Variants in WDR59 observed in about 807,000 individuals in gnomAD.
WDR59 encodes WD repeat domain 59, also known as GATOR2 complex protein WDR59.
WDR59 carries 100 observed loss-of-function variants against 131.2 expected under a neutral mutation model. The ratio of observed to expected loss-of-function variants is 0.76; its 90% CI spans 0.65 to 0.90. The LOEUF is 0.90. Among genes scored for constraint, WDR59 ranks in the 40% least tolerant of loss-of-function variants. WDR59 has a pLI of 0.00. For synonymous variants in WDR59, 601 were observed against 466.2 expected, an observed-to-expected ratio of 1.29 and a Z score of -3.72; for missense variants, 1,203 against 1,262.2, an observed-to-expected ratio of 0.95 and a Z score of 0.71.
intron 1 of WDR59, among the ~76,000 whole-genome samples, chr16:74,983,162 A>G (rs111907358): frequency 2.2e-4 from 33 of 151,978 alleles, no homozygotes; most frequent in African/African-American, 7.2e-4. Flanking sequence ...GGGCAACACA[A>G]AGAGACTCTG....
chr16:74,897,883 T>C (rs753338030), intron 18 of WDR59, among the ~76,000 whole-genome samples: 8 of 152,254 alleles, frequency 5.3e-5, no homozygotes, highest in Non-Finnish European at 1.0e-4. Context: ...GGTCACTTGG[T>C]AATCCTGCCT....
intron 25 of WDR59, among the ~76,000 whole-genome samples, chr16:74,883,838 G>A (rs1376109266): frequency 6.6e-6 from 1 of 152,140 alleles, no homozygotes; most frequent in African/African-American, 2.4e-5. Context: ...TCCACATGCT[G>A]GGGATCCCCA....
chr16:74,930,825 G>C (rs559439193), intron 8 of WDR59: 1 of 147,060 alleles, frequency 6.8e-6, no homozygotes, highest in South Asian at 2.2e-4. Context: ...TCCAGGAGGA[G>C]GAGGTTGCAG....
chr16:74,981,552 T>C (rs1394990160), intron 1 of WDR59, among the ~76,000 whole-genome samples: 1 of 146,908 alleles, frequency 6.8e-6, no homozygotes, highest in African/African-American at 2.5e-5. Flanking sequence ...AGCAAGACCC[T>C]GTCTTACACA....
At chr16:74,941,542 A>C (rs1446805379) in intron 7 of WDR59, among the ~76,000 whole-genome samples, 1 of 150,262 alleles carries the variant, frequency 6.7e-6, no homozygotes, top group Non-Finnish European at 1.5e-5. Flanking sequence ...AAAAATACAA[A>C]AATTAGCTGG....
At chr16:74,884,579 C>T (rs1964665415) in intron 25 of WDR59, among the ~76,000 whole-genome samples, 1 of 152,198 alleles carries the variant, frequency 6.6e-6, no homozygotes, top group South Asian at 2.1e-4. Context: ...AACCCCTGGC[C>T]TCAAGTGATC....
At chr16:74,874,512 G>T (rs183371577) in intron 25 of WDR59, 68 bp from the exon 26 acceptor site, 2 of 1,405,522 alleles carry the variant, frequency 1.4e-6, no homozygotes, top group East Asian at 2.4e-5. Context: ...GGAAACTGGG[G>T]CTTGCCAGGA....
intron 7 of WDR59, among the ~76,000 whole-genome samples, chr16:74,940,881 T>A (rs569977706): frequency 6.6e-6 from 1 of 152,042 alleles, no homozygotes; most frequent in East Asian, 2.0e-4. Flanking sequence ...AAATTTTGTA[T>A]TTTTAGTACA....
At chr16:74,896,055 C>T (rs114629882) in intron 18 of WDR59, among the ~76,000 whole-genome samples, 1,998 of 151,936 alleles carry the variant, frequency 0.013, 43 homozygotes, top group African/African-American at 0.043. Flanking sequence ...CCCCACATAA[C>T]TGGTCATCTC....
chr16:74,945,471 T>A (rs1393095226), intron 6 of WDR59, among the ~76,000 whole-genome samples: 1 of 151,654 alleles, frequency 6.6e-6, no homozygotes, highest in Non-Finnish European at 1.5e-5. Context: ...AGCGAGACTC[T>A]GTCTCAAAAA....
intron 8 of WDR59, among the ~76,000 whole-genome samples, chr16:74,925,623 G>A (rs1166665682): frequency 1.3e-5 from 2 of 151,984 alleles, no homozygotes; most frequent in Admixed American, 6.6e-5. Flanking sequence ...AGAGGTTAGG[G>A]GTAGGAAAGG....
rs550436133 is a variant in WDR59, at chr16:74,945,199, G to A, written c.446-2373C>T. Among the ~76,000 whole-genome samples, 11 of 152,112 alleles carry A rather than the reference G, an allele frequency of 7.2e-5. No individual in the cohort carries two copies. The South Asian group carries it at 1.2e-3, about 17-fold the overall frequency. On this transcript the variant is annotated intron_variant, in intron 6 of 25. Transcript: ENST00000262144. Reference sequence around the variant, plus strand: ...AACTTAGAAACCTATAAATGTGGCCGGGCGAAGAGGCTCACGCCTGTAATG... The same window carrying A: ...AACTTAGAAACCTATAAATGTGGCCAGGCGAAGAGGCTCACGCCTGTAATG...
intron 25 of WDR59, among the ~76,000 whole-genome samples, chr16:74,876,943 G>A (rs1042487204): frequency 2.0e-5 from 3 of 152,024 alleles, no homozygotes; most frequent in Admixed American, 6.6e-5. Flanking sequence ...CACTAATCGT[G>A]CCGGTCGCTA....
At chr16:74,931,286 G>A (rs549058309) in intron 8 of WDR59, among the ~76,000 whole-genome samples, 3 of 152,010 alleles carry the variant, frequency 2.0e-5, no homozygotes, top group Admixed American at 1.3e-4. Context: ...ACATTAAATC[G>A]AATGAATGAA....
At chr16:74,895,940 G>C (rs974433993) in intron 18 of WDR59, among the ~76,000 whole-genome samples, 1 of 152,136 alleles carries the variant, frequency 6.6e-6, no homozygotes, top group South Asian at 2.1e-4. Context: ...AGCACAAGGG[G>C]CTTAACGAGA....
At chr16:74,919,235 TAC>T (rs1333342859) in intron 10 of WDR59, among the ~76,000 whole-genome samples, 2 of 152,088 alleles carry the variant, frequency 1.3e-5, no homozygotes, top group Non-Finnish European at 2.9e-5. Flanking sequence ...CTTTGAGGGT[TAC>T]TTCATTCACT....
rs147817697 is a variant in WDR59 at position 74,873,851 on chromosome 16, C to T, written c.*358G>A. 59 of 214,690 alleles carry T rather than the reference C, an allele frequency of 2.7e-4. No individual in the cohort carries two copies. The East Asian group carries it at 6.0e-3, about 22-fold the overall frequency. 13.3% of individuals were successfully genotyped at this position (214,690 alleles called of 1,614,324 possible). On this transcript the variant is annotated 3_prime_UTR_variant, in exon 26 of 26. Coordinates refer to ENST00000262144, the MANE Select transcript of WDR59 (RefSeq NM_030581.4). ...GGTCTCTGCACTGGCATCAAGAGAA[C>T]GCTGCTCGGTGGTTTAAGGCTAACA...
intron 8 of WDR59, among the ~76,000 whole-genome samples, chr16:74,930,311 A>G (rs2031266472): frequency 6.6e-6 from 1 of 152,184 alleles, no homozygotes; most frequent in African/African-American, 2.4e-5. Flanking sequence ...CATGTACCCC[A>G]TACATATATA....
chr16:74,977,009 AAAC>A (rs1202128943), intron 1 of WDR59, among the ~76,000 whole-genome samples: 3 of 152,200 alleles, frequency 2.0e-5, no homozygotes, highest in Admixed American at 6.6e-5. Context: ...CTGAAAACAA[AAAC>A]AACAAGACTG....
Sources: gnomAD v4.1 joint callset for allele counts (sites outside exome capture counted in the v4.1 genomes callset) on GRCh38, gnomAD v4.1.1 for gene constraint, MANE v1.5 for transcripts, NCBI Gene and HGNC (gene_info 2026-07-23, HGNC 2026-07-21) for gene names.